The following VPS35L variants were observed in gnomAD, a reference collection of about 807,000 sequenced individuals.
VPS35L encodes VPS35 endosomal protein sorting factor like, also known as VPS35 endosomal protein-sorting factor-like.
VPS35L carries 83 observed loss-of-function variants against 133.0 expected under a neutral mutation model. That is an observed-to-expected ratio of 0.62 (90% CI 0.52 to 0.75). The LOEUF (loss-of-function observed/expected upper bound fraction) is 0.75. Among genes scored for constraint, VPS35L ranks in the 30% least tolerant of loss-of-function variants. VPS35L has a pLI of 0.00. For synonymous variants in VPS35L, 423 were observed against 449.9 expected, an observed-to-expected ratio of 0.94 and a Z score of 0.76; for missense variants, 1,083 against 1,206.8, an observed-to-expected ratio of 0.90 and a Z score of 1.52.
In VPS35L at chr16:19,627,731, GC is replaced by G. The variant is rs770171661; in HGVS notation, c.1310del (p.Ala437ValfsTer14). On this transcript the variant is annotated frameshift_variant, in exon 16 of 31. Coordinates refer to ENST00000417362, the MANE Select transcript of VPS35L (RefSeq NM_020314.7). LOFTEE classifies it high-confidence loss of function. The stretch of plus-strand genomic sequence containing the variant: ...GAATTCTGTGATGTCTGCCTTCCGG[GC>G]TGAGTTCATCGCCACAAGGTCTATG... The part of the protein sequence containing the change: ...LLNSVMSAFR[A>X]EFIATRSMDF... 3.1e-6 allele frequency: 5 copies of G among 1,613,946 alleles called. No individual in the cohort carries two copies. Among genetic ancestry groups the G allele is most frequent in the Non-Finnish European group, 4.2e-6 (5 of 1,179,978 alleles).
intron 15 of VPS35L, 30 bp downstream of exon 15, chr16:19,626,253 G>C (rs565584467): frequency 6.5e-7 from 1 of 1,548,496 alleles, no homozygotes; most frequent in African/African-American, 1.4e-5. Flanking sequence ...TAAAGCATGA[G>C]TTTGAAAATG....
chr16:19,665,178 A>G (rs377018338), intron 26 of VPS35L, among the ~76,000 whole-genome samples: 26 of 152,216 alleles, frequency 1.7e-4, no homozygotes, highest in African/African-American at 6.3e-4. Context: ...TGTGCTACAA[A>G]CAATTCAGTT....
intron 7 of VPS35L, among the ~76,000 whole-genome samples, chr16:19,590,677 A>G (rs1441735223): frequency 6.6e-6 from 1 of 152,108 alleles, no homozygotes; most frequent in African/African-American, 2.4e-5. Flanking sequence ...GGCCGGGTGC[A>G]GTGGCTCATA....
At chr16:19,630,095 A>G (rs187678616) in intron 18 of VPS35L, among the ~76,000 whole-genome samples, 3 of 152,174 alleles carry the variant, frequency 2.0e-5, no homozygotes, top group Non-Finnish European at 4.4e-5. Flanking sequence ...AGATGCTTAC[A>G]TGCTAAAGTG....
At chr16:19,691,499 G>A (rs199630122) in intron 29 of VPS35L, 28 bp downstream of exon 29, 30 of 1,554,338 alleles carry the variant, frequency 1.9e-5, no homozygotes, top group Non-Finnish European at 2.5e-5. Flanking sequence ...TCCTCCACCC[G>A]CCCCTTGCTC....
chr16:19,672,972 C>T (rs986406046), intron 27 of VPS35L, among the ~76,000 whole-genome samples: 1 of 152,160 alleles, frequency 6.6e-6, no homozygotes, highest in African/African-American at 2.4e-5. Context: ...TTTTGAAAAG[C>T]CTTCTCAGAT....
At chr16:19,612,267 T>G (rs1483624800) in intron 12 of VPS35L, among the ~76,000 whole-genome samples, 2 of 151,208 alleles carry the variant, frequency 1.3e-5, no homozygotes, top group Non-Finnish European at 2.9e-5. Context: ...TTGTTTTGTT[T>G]TTTTGCACCA....
At chr16:19,649,429 G>A (rs988749859) in intron 24 of VPS35L, among the ~76,000 whole-genome samples, 1 of 151,960 alleles carries the variant, frequency 6.6e-6, no homozygotes, top group Non-Finnish European at 1.5e-5. Context: ...ATTTATTCTT[G>A]CACAGCGATT....
intron 8 of VPS35L, among the ~76,000 whole-genome samples, chr16:19,594,985 G>T (rs995043650): frequency 2.0e-5 from 3 of 152,178 alleles, no homozygotes; most frequent in African/African-American, 7.2e-5. Context: ...GGAACAGCTT[G>T]TGCGGAGATC....
intron 1 of VPS35L, among the ~76,000 whole-genome samples, chr16:19,559,949 C>G (rs1251634716): frequency 1.3e-5 from 2 of 152,154 alleles, no homozygotes; most frequent in African/African-American, 4.8e-5. Flanking sequence ...CGGCTTCCCC[C>G]ACCTTGGCCT....
At chr16:19,644,847 AT>A in intron 22 of VPS35L, 38 bp from the exon 23 acceptor site, 1 of 1,437,902 alleles carries the variant, frequency 7.0e-7, no homozygotes, top group South Asian at 1.3e-5. Context: ...ACTTTCATCT[AT>A]TACCTCCGTG....
At chr16:19,600,228 T>G in intron 8 of VPS35L, among the ~76,000 whole-genome samples, 1 of 149,212 alleles carries the variant, frequency 6.7e-6, no homozygotes, top group East Asian at 2.0e-4. Context: ...CAAGCTGTGT[T>G]GTTCTTTATT....
At chr16:19,635,141 C>T (rs184662020) in intron 19 of VPS35L, among the ~76,000 whole-genome samples, 2 of 152,052 alleles carry the variant, frequency 1.3e-5, no homozygotes, top group East Asian at 3.9e-4. Context: ...GAGTTCGAGT[C>T]CAGTGTGGGC....
At chr16:19,619,433 A>C (rs2151556536) in intron 14 of VPS35L, among the ~76,000 whole-genome samples, 1 of 152,304 alleles carries the variant, frequency 6.6e-6, no homozygotes, top group African/African-American at 2.4e-5. Context: ...TATGGTCCTC[A>C]GCATAGTTTC....
At chr16:19,603,423 G>T (rs901113152) in intron 9 of VPS35L, among the ~76,000 whole-genome samples, 5 of 152,206 alleles carry the variant, frequency 3.3e-5, no homozygotes. Flanking sequence ...AGACGGTAAA[G>T]TAGCTCACTA....
Position 19,573,012 on chromosome 16 carries a change from T to A in VPS35L, c.286-107T>A, listed in dbSNP as rs529070577. 4.1e-4 allele frequency: 515 copies of A among 1,261,504 alleles called. 9 individuals are homozygous for A. In the South Asian group the frequency reaches 7.4e-3, roughly 18 times the overall value. The allele number at this position is 1,261,504 out of a possible 1,614,324, so 78.1% of individuals were successfully genotyped here. A position where few individuals can be genotyped will look rare whatever the true frequency, so the allele number is the denominator to read the frequency against. Reference sequence around the variant, plus strand: ...TTATGATAGTAAACCTTGAGACAAATCTCTTTTATTCCACAGTAAAGGACT... The same window carrying A: ...TTATGATAGTAAACCTTGAGACAAAACTCTTTTATTCCACAGTAAAGGACT... On this transcript the variant is annotated intron_variant, in intron 3 of 30. Coordinates refer to ENST00000417362, the MANE Select transcript of VPS35L (RefSeq NM_020314.7).
At chr16:19,556,837 C>G (rs1427636820) in intron 1 of VPS35L, among the ~76,000 whole-genome samples, 1 of 145,902 alleles carries the variant, frequency 6.9e-6, no homozygotes, top group African/African-American at 2.5e-5. Context: ...AGTTAATAGT[C>G]ATGCTGGCTG....
chr16:19,651,761 AT>A (rs560610759), intron 25 of VPS35L, among the ~76,000 whole-genome samples: 8 of 152,104 alleles, frequency 5.3e-5, no homozygotes, highest in African/African-American at 1.9e-4. Context: ...GTGGGTGAGG[AT>A]TTGTTTTTCC....
intron 8 of VPS35L, among the ~76,000 whole-genome samples, chr16:19,597,039 A>G (rs965289408): frequency 6.7e-5 from 10 of 150,180 alleles, no homozygotes; most frequent in African/African-American, 2.2e-4. Context: ...TCAAACCAAC[A>G]ACAACAACAA....
Sources: allele counts gnomAD v4.1 joint callset (sites outside exome capture counted in the v4.1 genomes callset), GRCh38; gene constraint gnomAD v4.1.1; transcripts MANE v1.5; gene names NCBI Gene and HGNC (gene_info 2026-07-23, HGNC 2026-07-21).